FGF9: variants seen among roughly 807,000 people sequenced by gnomAD.
FGF9 encodes fibroblast growth factor 9.
In FGF9, 3 loss-of-function variants were observed where a neutral mutation model predicts 19.9. The observed-to-expected ratio is 0.15, with a 90% CI of 0.07 to 0.39. The LOEUF (loss-of-function observed/expected upper bound fraction) is 0.39. FGF9 is among the 10% of genes least tolerant of loss of function. FGF9 has a pLI of 1.00. For synonymous variants in FGF9, 107 were observed against 106.9 expected, an observed-to-expected ratio of 1.00 and a Z score of -0.01; for missense variants, 175 against 256.8, an observed-to-expected ratio of 0.68 and a Z score of 2.18.
At chr13:21,677,515 G>A (rs567685354) in intron 1 of FGF9, among the ~76,000 whole-genome samples, 4 of 152,298 alleles carry the variant, frequency 2.6e-5, no homozygotes, top group East Asian at 3.9e-4. Context: ...CCTGGCACCA[G>A]CTCCACCCCA....
Position 21,702,287 on chromosome 13 carries a change from A to G in FGF9, c.*852A>G, listed in dbSNP as rs1420825527. 6.6e-6 allele frequency: 1 copy of G among 152,148 alleles called. No homozygotes were observed. The highest frequency in any genetic ancestry group is 1.5e-5 in the Non-Finnish European group (1 of 68,022). 9.4% of individuals were successfully genotyped at this position (152,148 alleles called of 1,614,324 possible). On this transcript the variant is annotated 3_prime_UTR_variant, in exon 3 of 3. Transcript: ENST00000382353. ...TCTCTTTTGTGCCCATATTATTGTA[A>G]ACTTATGCACATCGCTCATGACACT...
rs35215268 is a variant in FGF9 at position 21,682,694 on chromosome 13, G to GTT, written c.381+1565_381+1566dup. Among the ~76,000 whole-genome samples, 150 of 123,884 alleles carry GTT rather than the reference G, an allele frequency of 1.2e-3. 1 individual carries two copies. Among genetic ancestry groups the GTT allele is most frequent in the East Asian group, 3.3e-3 (14 of 4,194 alleles). 81.3% of individuals were successfully genotyped at this position (123,884 alleles called of 152,430 possible). On this transcript the variant is annotated intron_variant, in intron 2 of 2. Coordinates refer to ENST00000382353, the MANE Select transcript of FGF9 (RefSeq NM_002010.3). ...AATGATCTTTTTTGTCACAACTTCA[G>GTT]TTTTTTTTTTTTTTTTTGCTTTTAG...
chr13:21,671,807 C>A lies in FGF9; in HGVS notation c.-106C>A. ...AAGAACCTTTTTTTTCTCTCTCTCT[C>A]TGCAACTGCAGTAAGGGAGGGGAGT... On this transcript the variant is annotated 5_prime_UTR_variant, in exon 1 of 3. In the 5' UTR this introduces an upstream ATG that the reference lacks. Coordinates refer to ENST00000382353, the MANE Select transcript of FGF9 (RefSeq NM_002010.3). The A allele has an allele frequency of 7.8e-7, 1 of 1,276,196 alleles. No individual in the cohort carries two copies. 79.1% of individuals were successfully genotyped at this position (1,276,196 alleles called of 1,614,324 possible).
At chr13:21,695,079 T>C (rs1039700068) in intron 2 of FGF9, among the ~76,000 whole-genome samples, 7 of 144,778 alleles carry the variant, frequency 4.8e-5, no homozygotes, top group South Asian at 2.1e-4. Flanking sequence ...CGTGTGTGTG[T>C]GTGCGTGTGT....
intron 2 of FGF9, among the ~76,000 whole-genome samples, chr13:21,700,016 GT>G (rs1449434335): frequency 3.8e-3 from 12 of 3,142 alleles, no homozygotes; most frequent in African/African-American, 7.7e-3. Flanking sequence ...TTGGGATGTG[GT>G]GTGTGTGTGT....
intron 2 of FGF9, among the ~76,000 whole-genome samples, chr13:21,689,155 C>T (rs749000929): frequency 1.3e-5 from 2 of 152,302 alleles, no homozygotes; most frequent in South Asian, 2.1e-4. Flanking sequence ...CTCTTTCCCA[C>T]GCTGGATTTT....
chr13:21,683,014 T>C (rs184851048), intron 2 of FGF9, among the ~76,000 whole-genome samples: 11 of 152,288 alleles, frequency 7.2e-5, no homozygotes, highest in Admixed American at 6.5e-4. Context: ...TACAGCAAAG[T>C]AAACAATTTT....
intron 2 of FGF9, among the ~76,000 whole-genome samples, chr13:21,692,067 A>C (rs182404926): frequency 1.3e-4 from 19 of 150,886 alleles, no homozygotes; most frequent in Non-Finnish European, 1.9e-4. Context: ...TAAATGCAGT[A>C]TTCTAAGAAC....
Position 21,702,300 on chromosome 13 carries a change from C to T in FGF9, c.*865C>T, listed in dbSNP as rs906230053. The T allele has an allele frequency of 5.9e-5, 9 of 152,162 alleles. No homozygotes were observed. The highest frequency in any genetic ancestry group is 4.6e-4 in the Admixed American group (7 of 15,282). The allele number at this position is 152,162 out of a possible 1,614,324, so 9.4% of individuals were successfully genotyped here. A position where few individuals can be genotyped will look rare whatever the true frequency, so the allele number is the denominator to read the frequency against. ...CATATTATTGTAAACTTATGCACAT[C>T]GCTCATGACACTGAGTATTCACTCT... On this transcript the variant is annotated 3_prime_UTR_variant, in exon 3 of 3. Coordinates refer to ENST00000382353, the MANE Select transcript of FGF9 (RefSeq NM_002010.3).
At chr13:21,692,253 C>G (rs1284458623) in intron 2 of FGF9, among the ~76,000 whole-genome samples, 1 of 152,204 alleles carries the variant, frequency 6.6e-6, no homozygotes, top group Non-Finnish European at 1.5e-5. Context: ...CTTTCTTTCT[C>G]CCTCCCCACT....
chr13:21,700,542 T>C (rs1277580563), intron 2 of FGF9, among the ~76,000 whole-genome samples: 2 of 152,218 alleles, frequency 1.3e-5, no homozygotes, highest in Admixed American at 6.5e-5. Flanking sequence ...AGTAAGTAAA[T>C]GCTGCTGCTA....
At position 21,701,280 on chromosome 13, in the gene FGF9, A is replaced by T. The variant is rs1208866316; in HGVS notation, c.472A>T (p.Thr158Ser). Reference sequence around the variant, plus strand: ...ATCAAACCTATATAAGCACGTGGACACTGGAAGGCGATACTATGTTGCATT... The same window carrying T: ...ATCAAACCTATATAAGCACGTGGACTCTGGAAGGCGATACTATGTTGCATT... ...YSSNLYKHVD[T>S]GRRYYVALNK... The change falls in exon 3 of 3, where the codon ACT becomes TCT. Residue 158 changes from threonine to serine, a missense_variant. Coordinates refer to ENST00000382353, the MANE Select transcript of FGF9 (RefSeq NM_002010.3). The T allele has an allele frequency of 1.2e-6, 2 of 1,614,130 alleles. No homozygotes were observed. The highest frequency in any genetic ancestry group is 1.7e-6 in the Non-Finnish European group (2 of 1,179,994).
intron 1 of FGF9, among the ~76,000 whole-genome samples, chr13:21,673,077 GGGCACCCTGAGCCCAAC>G (rs1871807523): frequency 6.6e-6 from 1 of 152,108 alleles, no homozygotes; most frequent in South Asian, 2.1e-4. Context: ...GTGCTTGCCG[GGGCACCCTGAGCCCAAC>G]GGCACGAAGT....
chr13:21,689,533 G>A (rs1440366192), intron 2 of FGF9, among the ~76,000 whole-genome samples: 3 of 152,110 alleles, frequency 2.0e-5, no homozygotes, highest in African/African-American at 7.2e-5. Flanking sequence ...GAGAGCTGGA[G>A]GAGTTGACAT....
chr13:21,688,630 C>A (rs1484264619), intron 2 of FGF9, among the ~76,000 whole-genome samples: 1 of 152,064 alleles, frequency 6.6e-6, no homozygotes, highest in African/African-American at 2.4e-5. Context: ...TTAAGAGTGG[C>A]CATCCATTTT....
intron 2 of FGF9, among the ~76,000 whole-genome samples, chr13:21,687,931 A>C (rs1009429552): frequency 5.3e-5 from 8 of 152,210 alleles, no homozygotes; most frequent in African/African-American, 1.9e-4. Context: ...AAGTAAAGAC[A>C]TTCTTGGAGG....
intron 1 of FGF9, among the ~76,000 whole-genome samples, chr13:21,679,742 T>C (rs9552465): frequency 0.27 from 39,084 of 142,470 alleles, 6,419 homozygotes; most frequent in East Asian, 0.41. Flanking sequence ...ATTGAGACCA[T>C]CCTGGCTAAC....
At position 21,680,959 on chromosome 13, in the gene FGF9, C is replaced by G. The variant is rs1263513800; in HGVS notation, c.278-83C>G. On this transcript the variant is annotated intron_variant, in intron 1 of 2. Transcript: ENST00000382353. ...AGTGGGGAGCTGGGCTTAGTGTCCT[C>G]TCCAAAACCCCAGGGATGCTGGGAC... The G allele has an allele frequency of 3.8e-6, 4 of 1,052,146 alleles. No homozygotes were observed. The African/African-American group carries it at 6.2e-5, about 16-fold the overall frequency. The allele number at this position is 1,052,146 out of a possible 1,614,324, so 65.2% of individuals were successfully genotyped here.
intron 2 of FGF9, among the ~76,000 whole-genome samples, chr13:21,697,417 G>A (rs1010929943): frequency 4.6e-5 from 7 of 152,082 alleles, no homozygotes; most frequent in Admixed American, 4.6e-4. Flanking sequence ...AAAGTGCTGG[G>A]GTTACAGGCA....
Sources: gnomAD v4.1 joint callset for allele counts (sites outside exome capture counted in the v4.1 genomes callset) on GRCh38, gnomAD v4.1.1 for gene constraint, MANE v1.5 for transcripts, NCBI Gene and HGNC (gene_info 2026-07-23, HGNC 2026-07-21) for gene names.